ITGB2: variants seen among roughly 807,000 people sequenced by gnomAD.
ITGB2 encodes the protein integrin beta-2.
A neutral mutation model predicts 86.8 loss-of-function variants in ITGB2; 56 were observed. The observed-to-expected ratio is 0.65, with a 90% CI of 0.52 to 0.81. The LOEUF is 0.81. Ranked by LOEUF, ITGB2 falls within the 30% of genes least tolerant of loss-of-function variation. ITGB2 has a pLI of 0.00. For synonymous variants in ITGB2, 457 were observed against 450.4 expected (o/e 1.01, Z -0.19); for missense variants, 948 against 1,061.2 (o/e 0.89, Z 1.48).
chr21:44,917,239 C>T (rs2084225352), intron 1 of ITGB2, among the ~76,000 whole-genome samples: 1 of 152,286 alleles, frequency 6.6e-6, no homozygotes, highest in African/African-American at 2.4e-5. Context: ...TATGGAGTCC[C>T]ACACAGCAAC....
At position 44,889,505 on chromosome 21, in the gene ITGB2, G is replaced by T; in HGVS notation, c.1658-10C>A. The stretch of plus-strand genomic sequence containing the variant: ...AAGCAGAGCCCCCTCCCTGGAAGAC[G>T]GGGCAGCACGGCTAAGCTCCTGCTT... On this transcript the variant is annotated splice_polypyrimidine_tract_variant and intron_variant, in intron 12 of 15. Coordinates refer to ENST00000652462, the MANE Select transcript of ITGB2 (RefSeq NM_000211.5). 6.4e-7 allele frequency: 1 copy of T among 1,552,932 alleles called. No homozygotes were observed. The highest frequency in any genetic ancestry group is 2.4e-5 in the East Asian group (1 of 41,096).
chr21:44,890,100 C>T lies in ITGB2; in HGVS notation c.1535G>A (p.Cys512Tyr), dbSNP rs1156388833. 1 of 1,613,504 alleles carries T rather than the reference C, an allele frequency of 6.2e-7. No individual in the cohort carries two copies. Among genetic ancestry groups the T allele is most frequent in the South Asian group, 1.1e-5 (1 of 91,086 alleles). ...NSIICSGLGD[C>Y]VCGQCLCHTS... ...GTGGCACAGGCACTGCCCGCAGACA[C>T]AGTCCCCCAGCCCTGAGCAGATGAT... Residue 512 changes from cysteine to tyrosine, a missense_variant, in exon 12 of 16, where the codon TGT becomes TAT. Physicochemically the swap from Cys to Tyr is radical, Grantham distance 194. Coordinates refer to ENST00000652462, the MANE Select transcript of ITGB2 (RefSeq NM_000211.5).
chr21:44,901,298 T>G lies in ITGB2; in HGVS notation c.741+194A>C, dbSNP rs113985253. ...AAATCAGCGCATGATTTTCGAGCCC[T>G]CGTGGTCACCCTCCCTTCCTCCTGC... On this transcript the variant is annotated intron_variant, in intron 6 of 15. Coordinates refer to ENST00000652462, the MANE Select transcript of ITGB2 (RefSeq NM_000211.5). 4.6e-5 allele frequency among the ~76,000 whole-genome samples: 7 copies of G among 152,336 alleles called. 2 individuals are homozygous for G. The highest frequency in any genetic ancestry group is 1.4e-4 in the African/African-American group (6 of 41,588).
At chr21:44,898,420 T>G (rs548480355) in intron 8 of ITGB2, among the ~76,000 whole-genome samples, 298 of 152,340 alleles carry the variant, frequency 2.0e-3, no homozygotes, top group African/African-American at 6.8e-3. Flanking sequence ...GGGTCGGCTC[T>G]GCAATAAACT....
At chr21:44,927,120 A>C (rs1714173894) in intron 1 of ITGB2, 1 of 152,328 alleles carries the variant, frequency 6.6e-6, no homozygotes. Flanking sequence ...CCCCCATAAC[A>C]CACAACCCCA....
chr21:44,896,368 G>A (rs1429916076), intron 8 of ITGB2, among the ~76,000 whole-genome samples: 2 of 152,226 alleles, frequency 1.3e-5, no homozygotes, highest in Non-Finnish European at 2.9e-5. Flanking sequence ...AAACAGCCCG[G>A]TGACATCGGT....
chr21:44,898,992 G>T, intron 8 of ITGB2, 75 bp downstream of exon 8: 3 of 1,178,990 alleles, frequency 2.5e-6, no homozygotes, highest in South Asian at 1.3e-5. Flanking sequence ...GCTCAGACCT[G>T]CAGTGGCGCT....
intron 1 of ITGB2, among the ~76,000 whole-genome samples, chr21:44,916,357 T>A (rs2084210045): frequency 1.3e-5 from 2 of 151,310 alleles, no homozygotes; most frequent in Non-Finnish European, 2.9e-5. Context: ...GGAAATCAAA[T>A]GATATTTACA....
chr21:44,913,835 C>T (rs557364162), intron 1 of ITGB2, among the ~76,000 whole-genome samples: 5 of 152,270 alleles, frequency 3.3e-5, no homozygotes, highest in East Asian at 3.9e-4. Flanking sequence ...TGGAGGTGGT[C>T]GAAGGGCCTG....
In ITGB2 at chr21:44,903,374, C is replaced by T. The variant is rs770285096; in HGVS notation, c.490G>A (p.Gly164Ser). Residue 164 changes from glycine (G) to serine (S), a missense_variant, in exon 5 of 16, where the codon GGC becomes AGC. Transcript: ENST00000652462. Reference sequence around the variant, plus strand: ...AGTGCCTGGGCCTCACCAATGCGGCCGGACTCGGTGATCTCGTTGAGGGCC... The same window carrying T: ...AGTGCCTGGGCCTCACCAATGCGGCTGGACTCGGTGATCTCGTTGAGGGCC... Reference protein sequence around the residue: ...LRALNEITESGRIGFGSFVDK... With the variant: ...LRALNEITESSRIGFGSFVDK... The T allele has an allele frequency of 3.7e-6, 6 of 1,614,046 alleles. No homozygotes were observed. In the South Asian group the frequency reaches 4.4e-5, roughly 12 times the overall value.
At chr21:44,892,210 C>A (rs2083796578) in intron 10 of ITGB2, among the ~76,000 whole-genome samples, 1 of 152,220 alleles carries the variant, frequency 6.6e-6, no homozygotes, top group Non-Finnish European at 1.5e-5. Flanking sequence ...CTGGCCGGCA[C>A]CAGGATCTCC....
rs1401115605 is a variant in ITGB2, at chr21:44,886,908, G to A, written c.2081-6C>T. On this transcript the variant is annotated splice_region_variant and splice_polypyrimidine_tract_variant and intron_variant, in intron 14 of 15. Transcript: ENST00000652462. ...GTTGGGGCCTGCCACACACTCTAGG[G>A]AAGAAGCAGCACACCTGAGCGTCAG... 1 of 1,612,250 alleles carries A rather than the reference G, an allele frequency of 6.2e-7. No homozygotes were observed. The highest frequency in any genetic ancestry group is 8.5e-7 in the Non-Finnish European group (1 of 1,179,994).
Position 44,916,436 on chromosome 21 carries a change from C to T in ITGB2, c.-4+4385G>A, listed in dbSNP as rs138852168. 2.9e-3 allele frequency among the ~76,000 whole-genome samples: 449 copies of T among 152,290 alleles called. 3 individuals are homozygous for T. The highest frequency in any genetic ancestry group is 1.0e-2 in the African/African-American group (414 of 41,552). On this transcript the variant is annotated intron_variant, in intron 1 of 15. Transcript: ENST00000652462. ...GAGACTGTCTGTTCCTGGGTGGCGA[C>T]GTGAGGCCGAGGCCCCGGACACTCT...
In ITGB2 at chr21:44,889,298, G is replaced by T; in HGVS notation, c.1855C>A (p.Pro619Thr). The T allele has an allele frequency of 6.2e-7, 1 of 1,612,826 alleles. No homozygotes were observed. The highest frequency in any genetic ancestry group is 8.5e-7 in the Non-Finnish European group (1 of 1,179,848). ...LPLCQECPGC[P>T]SPCGKYISCA... is the part of the protein sequence containing the mutation. The stretch of plus-strand genomic sequence containing the variant: ...CACATGTACTTGCCACAGGGTGAGG[G>T]GCAGCCGGGGCACTCCTGGCACAGA... Residue 619 changes from proline (P) to threonine (T), a missense_variant, in exon 13 of 16, where the codon CCC becomes ACC. Pro to Thr is a conservative substitution (Grantham distance 38). Transcript: ENST00000652462.
rs751247289 is a variant in ITGB2 at position 44,889,271 on chromosome 21, C to T, written c.1877+5G>A. On this transcript the variant is annotated splice_donor_5th_base_variant and intron_variant, in intron 13 of 15. Coordinates refer to ENST00000652462, the MANE Select transcript of ITGB2 (RefSeq NM_000211.5). ...GCCCGCCCTGCCTGCTCCGCCTGCA[C>T]TCACATGTACTTGCCACAGGGTGAG... 1 of 1,612,496 alleles carries T rather than the reference C, an allele frequency of 6.2e-7. No individual in the cohort carries two copies. The highest frequency in any genetic ancestry group is 1.1e-5 in the South Asian group (1 of 91,064).
At position 44,896,674 on chromosome 21, in the gene ITGB2, C is replaced by T. The variant is rs138844379; in HGVS notation, c.994-1614G>A. 6.5e-3 allele frequency among the ~76,000 whole-genome samples: 995 copies of T among 152,360 alleles called. 5 individuals are homozygous for T. The highest frequency in any genetic ancestry group is 9.3e-3 in the Non-Finnish European group (633 of 68,034). Reference sequence around the variant, plus strand: ...CCTGTCTTGGGAGAGCTGGGCCCTCCCACATCCTGTCCTGCTGAGCCTGCT... The same window carrying T: ...CCTGTCTTGGGAGAGCTGGGCCCTCTCACATCCTGTCCTGCTGAGCCTGCT... On this transcript the variant is annotated intron_variant, in intron 8 of 15. Transcript: ENST00000652462.
Position 44,910,725 on chromosome 21 carries a change from C to T in ITGB2, c.58G>A (p.Val20Ile), listed in dbSNP as rs111663308. ...CCCCTCCGTGGAACACAGAACTCACCGCACCCGAGGGAGAGCAGCCCCACC... is the reference window on the plus strand; with the variant it reads ...CCCCTCCGTGGAACACAGAACTCACTGCACCCGAGGGAGAGCAGCCCCACC... ...ALVGLLSLGC[V>I]LSQECTKFKV... The change falls in exon 2 of 16, where the codon GTC (valine) becomes ATC (isoleucine). Residue 20 changes from valine to isoleucine, a missense_variant and splice_region_variant. Transcript: ENST00000652462. 1.5e-5 allele frequency: 25 copies of T among 1,613,842 alleles called. No individual in the cohort carries two copies. The highest frequency in any genetic ancestry group is 2.2e-5 in the South Asian group (2 of 91,048).
At chr21:44,896,865 C>A (rs1022092130) in intron 8 of ITGB2, among the ~76,000 whole-genome samples, 25 of 152,258 alleles carry the variant, frequency 1.6e-4, no homozygotes, top group Admixed American at 1.6e-3. Context: ...GCCTCCAGTG[C>A]CTGGCCCTGG....
intron 3 of ITGB2, among the ~76,000 whole-genome samples, chr21:44,907,779 C>T (rs531550818): frequency 6.6e-6 from 1 of 152,176 alleles, no homozygotes; most frequent in Non-Finnish European, 1.5e-5. Context: ...GGAGGATAAG[C>T]CCGGCCCCCA....
Sources: gnomAD v4.1 joint callset for allele counts (sites outside exome capture counted in the v4.1 genomes callset) on GRCh38, gnomAD v4.1.1 for gene constraint, MANE v1.5 for transcripts, NCBI Gene and HGNC (gene_info 2026-07-23, HGNC 2026-07-21) for gene names.